PIK3CB: variants seen among roughly 807,000 people sequenced by gnomAD.
PIK3CB encodes the protein phosphatidylinositol 4,5-bisphosphate 3-kinase catalytic subunit beta isoform.
In PIK3CB, 39 loss-of-function variants were observed where a neutral mutation model predicts 136.8. The ratio of observed to expected loss-of-function variants is 0.29; its 90% confidence interval spans 0.22 to 0.37. The LOEUF is 0.37. Ranked by LOEUF, PIK3CB falls within the 10% of genes least tolerant of loss-of-function variation. The probability of loss-of-function intolerance (pLI) is 1.00; values close to 1 mark genes in which losing one functional copy is unlikely to be tolerated. For missense variants in PIK3CB, 868 were observed against 1,275.4 expected (o/e 0.68, Z 4.87); for synonymous variants, 428 against 436.6 (o/e 0.98, Z 0.25).
chr3:138,754,720 A>G (rs2045533559), intron 4 of PIK3CB, among the ~76,000 whole-genome samples: 1 of 152,194 alleles, frequency 6.6e-6, no homozygotes, highest in Non-Finnish European at 1.5e-5. Context: ...GAGTAGTCCC[A>G]CAGTATAATC....
chr3:138,829,715 A>G (rs1331239970), intron 1 of PIK3CB, among the ~76,000 whole-genome samples: 1 of 152,138 alleles, frequency 6.6e-6, no homozygotes, highest in African/African-American at 2.4e-5. Flanking sequence ...TGAACCCAGG[A>G]GGCGGAGGTT....
chr3:138,697,065 A>T (rs948345261), intron 13 of PIK3CB, among the ~76,000 whole-genome samples: 1 of 152,212 alleles, frequency 6.6e-6, no homozygotes, highest in Non-Finnish European at 1.5e-5. Context: ...TAAATTGCCA[A>T]AACTCACCAA....
At chr3:138,752,472 T>C (rs765077553) in intron 4 of PIK3CB, among the ~76,000 whole-genome samples, 1 of 152,250 alleles carries the variant, frequency 6.6e-6, no homozygotes, top group Non-Finnish European at 1.5e-5. Flanking sequence ...TGAAAATTCA[T>C]TCTTAAATAC....
intron 14 of PIK3CB, among the ~76,000 whole-genome samples, chr3:138,693,966 T>TTTATATATATATA (rs2044075444): frequency 2.4e-5 from 1 of 42,406 alleles, no homozygotes; most frequent in African/African-American, 1.4e-4. Flanking sequence ...TATATATATA[T>TTTATATATATATA]TATATATATA....
chr3:138,751,233 C>T (rs1204263607), intron 4 of PIK3CB, among the ~76,000 whole-genome samples: 4 of 151,852 alleles, frequency 2.6e-5, no homozygotes, highest in South Asian at 4.2e-4. Context: ...CCGAGGCGGG[C>T]GGATCACGAG....
At chr3:138,675,607 C>T (rs2043627550) in intron 19 of PIK3CB, among the ~76,000 whole-genome samples, 1 of 152,098 alleles carries the variant, frequency 6.6e-6, no homozygotes, top group East Asian at 1.9e-4. Flanking sequence ...AGATTAACAG[C>T]TGATTTCTCA....
chr3:138,655,364 A>G lies in PIK3CB; in HGVS notation c.*25T>C. The G allele has an allele frequency of 6.2e-7, 1 of 1,610,300 alleles. No individual in the cohort carries two copies. The highest frequency in any genetic ancestry group is 1.1e-5 in the South Asian group (1 of 90,424). On this transcript the variant is annotated 3_prime_UTR_variant, in exon 24 of 24. Coordinates refer to ENST00000674063, the MANE Select transcript of PIK3CB (RefSeq NM_006219.3). ...AATGAAAATGAAATGAAACCAACAA[A>G]TACATTAGGAGCGAAGGCTGATCGT...
rs1206769091 is a variant in PIK3CB at position 138,817,056 on chromosome 3, A to G, written c.-122+17639T>C. On this transcript the variant is annotated intron_variant, in intron 1 of 23. Coordinates refer to ENST00000674063, the MANE Select transcript of PIK3CB (RefSeq NM_006219.3). ...TCTCTACTAAAAATACAAAAAAAAA[A>G]GGCCGGGCGCGGTGGCTCACGCCTG... Among the ~76,000 whole-genome samples the G allele has an allele frequency of 4.1e-5, 6 of 145,586 alleles. No individual in the cohort carries two copies. The South Asian group carries it at 8.8e-4, about 21-fold the overall frequency.
intron 1 of PIK3CB, among the ~76,000 whole-genome samples, chr3:138,827,190 C>G (rs183157859): frequency 6.6e-6 from 1 of 152,272 alleles, no homozygotes; most frequent in East Asian, 1.9e-4. Flanking sequence ...TTCAAGGCCT[C>G]AAAAGGACAA....
chr3:138,832,212 A>C (rs1396876222), intron 1 of PIK3CB, among the ~76,000 whole-genome samples: 4 of 152,186 alleles, frequency 2.6e-5, no homozygotes, highest in Admixed American at 2.6e-4. Flanking sequence ...ATGAGTCTTT[A>C]AGAACACCAA....
At chr3:138,806,314 C>G (rs1398076651) in intron 1 of PIK3CB, among the ~76,000 whole-genome samples, 1 of 152,012 alleles carries the variant, frequency 6.6e-6, no homozygotes, top group Admixed American at 6.6e-5. Context: ...GGCAAAACCT[C>G]GTCTCAACTA....
intron 2 of PIK3CB, among the ~76,000 whole-genome samples, chr3:138,766,258 G>A (rs966117095): frequency 3.3e-5 from 5 of 152,128 alleles, no homozygotes; most frequent in African/African-American, 9.7e-5. Flanking sequence ...ATAGGCTGAA[G>A]AACTCCCTTG....
At chr3:138,831,780 C>T (rs974253358) in intron 1 of PIK3CB, among the ~76,000 whole-genome samples, 7 of 152,054 alleles carry the variant, frequency 4.6e-5, no homozygotes, top group Non-Finnish European at 7.4e-5. Context: ...CAAAAATTAG[C>T]GGGGCATGGT....
At chr3:138,827,037 C>T (rs1559894166) in intron 1 of PIK3CB, among the ~76,000 whole-genome samples, 1 of 151,946 alleles carries the variant, frequency 6.6e-6, no homozygotes. Context: ...CCATTGCACT[C>T]CAGCCTGGGC....
chr3:138,721,679 T>C (rs1016676106), intron 8 of PIK3CB, among the ~76,000 whole-genome samples: 1 of 152,198 alleles, frequency 6.6e-6, no homozygotes, highest in Admixed American at 6.5e-5. Context: ...CAATTAAAGA[T>C]AAACCATCAA....
At chr3:138,781,213 G>A (rs1281937736) in intron 2 of PIK3CB, among the ~76,000 whole-genome samples, 2 of 151,556 alleles carry the variant, frequency 1.3e-5, no homozygotes, top group Non-Finnish European at 2.9e-5. Context: ...AATTGCTCGA[G>A]CCCAGTAGGT....
intron 2 of PIK3CB, among the ~76,000 whole-genome samples, chr3:138,771,916 A>G (rs1447879172): frequency 8.7e-6 from 1 of 115,102 alleles, no homozygotes; most frequent in African/African-American, 3.3e-5. Context: ...AGCAAGACTC[A>G]GTCTCAAAAA....
At chr3:138,752,304 A>G (rs2045487606) in intron 4 of PIK3CB, among the ~76,000 whole-genome samples, 1 of 152,154 alleles carries the variant, frequency 6.6e-6, no homozygotes, top group African/African-American at 2.4e-5. Flanking sequence ...TAAAGGTTCT[A>G]TTGTTTTCTT....
intron 16 of PIK3CB, among the ~76,000 whole-genome samples, chr3:138,686,711 T>C (rs915655689): frequency 4.6e-5 from 7 of 152,152 alleles, no homozygotes; most frequent in Non-Finnish European, 1.5e-5. Flanking sequence ...AGAGATTTAA[T>C]TTATAACATG....
Sources: gnomAD v4.1 joint callset for allele counts (sites outside exome capture counted in the v4.1 genomes callset) on GRCh38, gnomAD v4.1.1 for gene constraint, MANE v1.5 for transcripts, NCBI Gene and HGNC (gene_info 2026-07-23, HGNC 2026-07-21) for gene names.